Variants in TTYH1 observed in about 807,000 individuals in gnomAD.
TTYH1 encodes the protein tweety family member 1.
TTYH1 carries 33 observed loss-of-function variants against 61.2 expected under a neutral mutation model. That is an observed-to-expected ratio of 0.54 (90% confidence interval 0.41 to 0.72). The LOEUF is 0.72. Ranked by LOEUF, TTYH1 falls within the 30% of genes least tolerant of loss-of-function variation. TTYH1 has a pLI of 0.00. For synonymous variants in TTYH1, 308 were observed against 266.4 expected, an observed-to-expected ratio of 1.16 and a Z score of -1.52; for missense variants, 538 against 575.8, an observed-to-expected ratio of 0.93 and a Z score of 0.67.
chr19:54,431,483 T>C (rs1351388643), intron 10 of TTYH1: 1 of 466,394 alleles, frequency 2.1e-6, no homozygotes, highest in Non-Finnish European at 3.8e-6. Flanking sequence ...CTGCCACCTT[T>C]TCCTTCCTTG....
chr19:54,419,379 G>C lies in TTYH1; in HGVS notation c.305+73G>C. The stretch of plus-strand genomic sequence containing the variant: ...GCTCTTTGCTGGCCTTCCTGGGGGT[G>C]TCCTCCGGGGACATGGAGGAAGCAG... On this transcript the variant is annotated intron_variant, in intron 2 of 13. Transcript: ENST00000376530. The surrounding 1 kb of genome is among the most constrained non-coding windows in gnomAD (Gnocchi z 6.1). The C allele has an allele frequency of 1.4e-6, 2 of 1,450,018 alleles. No homozygotes were observed. The highest frequency in any genetic ancestry group is 1.9e-6 in the Non-Finnish European group (2 of 1,064,802). The allele number at this position is 1,450,018 out of a possible 1,614,324, so 89.8% of individuals were successfully genotyped here.
intron 4 of TTYH1, chr19:54,426,355 T>A (rs773914221): frequency 8.4e-6 from 3 of 357,648 alleles, no homozygotes; most frequent in African/African-American, 2.1e-5. Context: ...CAGGGTGGGG[T>A]TGGGGATGGG....
At position 54,434,885 on chromosome 19, in the gene TTYH1, GT is replaced by G. The variant is rs1045848494; in HGVS notation, c.1126-655del. The G allele has an allele frequency of 1.6e-4, 25 of 152,542 alleles. No individual in the cohort carries two copies. The highest frequency in any genetic ancestry group is 5.8e-4 in the African/African-American group (24 of 41,454). The allele number at this position is 152,542 out of a possible 1,614,324, so 9.4% of individuals were successfully genotyped here. A position where few individuals can be genotyped will look rare whatever the true frequency, so the allele number is the denominator to read the frequency against. On this transcript the variant is annotated intron_variant, in intron 10 of 13. Coordinates refer to ENST00000376530, the MANE Select transcript of TTYH1 (RefSeq NM_020659.4). This position sits in a 1 kb window ranked among gnomAD's most constrained non-coding sequence, Gnocchi z 4.3. ...ACACCTGGCCGGGTGCCGAGTTGCT[GT>G]TGGTTGTCACACTGCAGGAGGGGGT...
rs2083161683 is a variant in TTYH1 at position 54,419,416 on chromosome 19, G to A, written c.305+110G>A. The A allele has an allele frequency of 1.1e-5, 13 of 1,197,396 alleles. No individual in the cohort carries two copies. Among genetic ancestry groups the A allele is most frequent in the Middle Eastern group, 2.0e-4 (1 of 4,978 alleles). 74.2% of individuals were successfully genotyped at this position (1,197,396 alleles called of 1,614,324 possible). A position where few individuals can be genotyped will look rare whatever the true frequency, so the allele number is the denominator to read the frequency against. On this transcript the variant is annotated intron_variant, in intron 2 of 13. Transcript: ENST00000376530. This position sits in a 1 kb window ranked among gnomAD's most constrained non-coding sequence, Gnocchi z 6.1. The stretch of plus-strand genomic sequence containing the variant: ...CATGGAGGAAGCAGACAGGAAGGAG[G>A]AAACTCCCTCGTCCCTGTCCCTGCC...
rs760253274 is a variant in TTYH1, at chr19:54,421,244, C to T, written c.306-33C>T. On this transcript the variant is annotated intron_variant, in intron 2 of 13. Transcript: ENST00000376530. This position sits in a 1 kb window ranked among gnomAD's most constrained non-coding sequence, Gnocchi z 4.8. ...CGGTGGCCCCCGGGGTCCTGGGACCCGCTGAGATTCCTCTCCCTCCTCCTC... is the reference window on the plus strand; with the variant it reads ...CGGTGGCCCCCGGGGTCCTGGGACCTGCTGAGATTCCTCTCCCTCCTCCTC... 4.0e-6 allele frequency: 6 copies of T among 1,497,522 alleles called. No homozygotes were observed. The highest frequency in any genetic ancestry group is 2.8e-5 in the African/African-American group (2 of 72,688). The allele number at this position is 1,497,522 out of a possible 1,614,324, so 92.8% of individuals were successfully genotyped here.
chr19:54,423,051 G>C (rs531529497), intron 4 of TTYH1, among the ~76,000 whole-genome samples: 5 of 151,086 alleles, frequency 3.3e-5, no homozygotes, highest in African/African-American at 1.2e-4. Context: ...CCCCCTCCAC[G>C]TCACTCCACT....
At position 54,420,977 on chromosome 19, in the gene TTYH1, CTG is replaced by C; in HGVS notation, c.306-299_306-298del. The C allele has an allele frequency of 2.1e-6, 1 of 468,860 alleles. No homozygotes were observed. The highest frequency in any genetic ancestry group is 3.9e-5 in the East Asian group (1 of 25,368). The allele number at this position is 468,860 out of a possible 1,614,324, so 29.0% of individuals were successfully genotyped here. A position where few individuals can be genotyped will look rare whatever the true frequency, so the allele number is the denominator to read the frequency against. ...CGGCCCATCCCGGAGCTGGGTGTGA[CTG>C]GGGTTCTGCTCCAGGGAGGTGCGAG... On this transcript the variant is annotated intron_variant, in intron 2 of 13. Coordinates refer to ENST00000376530, the MANE Select transcript of TTYH1 (RefSeq NM_020659.4). The surrounding 1 kb of genome is among the most constrained non-coding windows in gnomAD (Gnocchi z 4.8).
chr19:54,430,446 C>A (rs2083411951), intron 7 of TTYH1, 104 bp from the exon 8 acceptor site: 1 of 1,276,888 alleles, frequency 7.8e-7, no homozygotes, highest in Non-Finnish European at 1.1e-6. Context: ...CAGGGCTGGG[C>A]TGAGGCCCCT....
chr19:54,416,646 G>C lies in TTYH1; in HGVS notation c.126+968G>C. ...GGAGAGCTCAGGGGGCGTGGAGGGG[G>C]TCCCAGAAAAGCGCGGAGGGGATGA... On this transcript the variant is annotated intron_variant, in intron 1 of 13. Coordinates refer to ENST00000376530, the MANE Select transcript of TTYH1 (RefSeq NM_020659.4). This position sits in a 1 kb window ranked among gnomAD's most constrained non-coding sequence, Gnocchi z 7.0. The C allele has an allele frequency of 1.2e-6, 1 of 856,066 alleles. No homozygotes were observed. The highest frequency in any genetic ancestry group is 1.6e-6 in the Non-Finnish European group (1 of 624,302). The allele number at this position is 856,066 out of a possible 1,614,324, so 53.0% of individuals were successfully genotyped here. A position where few individuals can be genotyped will look rare whatever the true frequency, so the allele number is the denominator to read the frequency against.
Position 54,415,716 on chromosome 19 carries a change from G to A in TTYH1, c.126+38G>A, listed in dbSNP as rs1255621734. On this transcript the variant is annotated intron_variant, in intron 1 of 13. Coordinates refer to ENST00000376530, the MANE Select transcript of TTYH1 (RefSeq NM_020659.4). The surrounding 1 kb of genome is among the most constrained non-coding windows in gnomAD (Gnocchi z 5.2). The stretch of plus-strand genomic sequence containing the variant: ...GCCAGGGCCTGGGGGCCAGGGCTGG[G>A]GGCCGGAGCTCCTGGGTCCCGAGGG... 1 of 1,498,146 alleles carries A rather than the reference G, an allele frequency of 6.7e-7. No individual in the cohort carries two copies. Among genetic ancestry groups the A allele is most frequent in the Non-Finnish European group, 8.9e-7 (1 of 1,125,624 alleles). The allele number at this position is 1,498,146 out of a possible 1,614,324, so 92.8% of individuals were successfully genotyped here. A position where few individuals can be genotyped will look rare whatever the true frequency, so the allele number is the denominator to read the frequency against.
Position 54,416,911 on chromosome 19 carries a change from A to G in TTYH1, c.126+1233A>G. The G allele has an allele frequency of 7.8e-7, 1 of 1,284,152 alleles. No individual in the cohort carries two copies. The highest frequency in any genetic ancestry group is 1.0e-6 in the Non-Finnish European group (1 of 984,778). 79.5% of individuals were successfully genotyped at this position (1,284,152 alleles called of 1,614,324 possible). ...GCCGCACGCGGGGATCCGCGGCCCC[A>G]GTCACCGCCAGAGGCACGGGTTTGG... On this transcript the variant is annotated intron_variant, in intron 1 of 13. Transcript: ENST00000376530. The surrounding 1 kb of genome is among the most constrained non-coding windows in gnomAD (Gnocchi z 7.0).
rs912129091 is a variant in TTYH1, at chr19:54,420,447, G to C, written c.306-830G>C. The stretch of plus-strand genomic sequence containing the variant: ...TTGTAGGACTCTGAACAATGGGGCG[G>C]GGACACTGGGCGTCCGACCCGAGGG... On this transcript the variant is annotated intron_variant, in intron 2 of 13. Coordinates refer to ENST00000376530, the MANE Select transcript of TTYH1 (RefSeq NM_020659.4). The surrounding 1 kb of genome is among the most constrained non-coding windows in gnomAD (Gnocchi z 4.8). 2.6e-5 allele frequency among the ~76,000 whole-genome samples: 4 copies of C among 152,126 alleles called. No homozygotes were observed. The highest frequency in any genetic ancestry group is 9.7e-5 in the African/African-American group (4 of 41,436).
chr19:54,418,236 T>C, intron 1 of TTYH1: 1 of 152,254 alleles, frequency 6.6e-6, no homozygotes, highest in East Asian at 1.9e-4. Context: ...AGCCCTGTTA[T>C]TCTGCAAGGC....
At chr19:54,430,502 TG>T in intron 7 of TTYH1, 47 bp from the exon 8 acceptor site, 2 of 1,599,978 alleles carry the variant, frequency 1.3e-6, no homozygotes, top group Non-Finnish European at 1.7e-6. Flanking sequence ...GGGAGATCCC[TG>T]GGGGCCCAGG....
intron 7 of TTYH1, among the ~76,000 whole-genome samples, chr19:54,430,310 G>A (rs1244653919): frequency 6.6e-6 from 1 of 152,190 alleles, no homozygotes. Context: ...GGAGAAAACT[G>A]GGGAGCACCA....
intron 4 of TTYH1, 141 bp downstream of exon 4, chr19:54,422,551 C>G (rs904150923): frequency 2.5e-5 from 17 of 680,926 alleles, no homozygotes; most frequent in Admixed American, 1.8e-4. Context: ...ATGGGTAGAG[C>G]CCAGGAACTG....
Position 54,421,206 on chromosome 19 carries a change from G to T in TTYH1, c.306-71G>T. 2 of 956,210 alleles carry T rather than the reference G, an allele frequency of 2.1e-6. No homozygotes were observed. Among genetic ancestry groups the T allele is most frequent in the East Asian group, 2.4e-5 (1 of 40,986 alleles). The allele number at this position is 956,210 out of a possible 1,614,324, so 59.2% of individuals were successfully genotyped here. ...ATAAGAAGGCGAGGTGGAGGGGATG[G>T]GGTGGGAGGGGACGGTGGCCCCCGG... On this transcript the variant is annotated intron_variant, in intron 2 of 13. Coordinates refer to ENST00000376530, the MANE Select transcript of TTYH1 (RefSeq NM_020659.4). The surrounding 1 kb of genome is among the most constrained non-coding windows in gnomAD (Gnocchi z 4.8).
In TTYH1 at chr19:54,421,684, CCCCAGA is replaced by C. The variant is rs2083220726; in HGVS notation, c.417+299_417+304del. ...CCCTGTCCACGGGCCAGATCCAGGG[CCCCAGA>C]CCTGATTCTTGGCCCGTAAGCAAGC... On this transcript the variant is annotated intron_variant, in intron 3 of 13. Coordinates refer to ENST00000376530, the MANE Select transcript of TTYH1 (RefSeq NM_020659.4). This position sits in a 1 kb window ranked among gnomAD's most constrained non-coding sequence, Gnocchi z 4.8. Among the ~76,000 whole-genome samples, 1 of 151,994 alleles carries C rather than the reference CCCCAGA, an allele frequency of 6.6e-6. No homozygotes were observed. The highest frequency in any genetic ancestry group is 2.1e-4 in the South Asian group (1 of 4,814).
intron 8 of TTYH1, 83 bp from the exon 9 acceptor site, chr19:54,430,730 C>T (rs1417317593): frequency 3.8e-6 from 6 of 1,581,566 alleles, no homozygotes; most frequent in Non-Finnish European, 5.2e-6. Flanking sequence ...GGCCAGGGGC[C>T]CGAGTGCTGT....
Sources: allele counts gnomAD v4.1 joint callset (sites outside exome capture counted in the v4.1 genomes callset), GRCh38; gene constraint gnomAD v4.1.1; non-coding constraint Gnocchi (gnomAD v3.1); transcripts MANE v1.5; gene names NCBI Gene and HGNC (gene_info 2026-07-23, HGNC 2026-07-21).